The following TDRP variants were observed in gnomAD, a reference collection of about 807,000 sequenced individuals.
TDRP encodes the protein testis development related protein.
TDRP carries 12 observed loss-of-function variants against 10.5 expected under a neutral mutation model. That is an observed-to-expected ratio of 1.15 (90% CI 0.73 to 1.86). The LOEUF (loss-of-function observed/expected upper bound fraction) is 1.86. Among genes scored for constraint, TDRP ranks in the 40% most tolerant of loss-of-function variants. TDRP has a pLI of 0.00. For synonymous variants in TDRP, 139 were observed against 95.4 expected (o/e 1.46, Z -2.67); for missense variants, 353 against 229.2 (o/e 1.54, Z -3.49).
chr8:490,482 A>G lies in TDRP; in HGVS notation c.*1917T>C, dbSNP rs1388427456. The stretch of plus-strand genomic sequence containing the variant: ...TCACAGCCACAGAGCTCCCCACAAC[A>G]TGGGAAGCGTCCCCATCTCCCCACA... On this transcript the variant is annotated 3_prime_UTR_variant, in exon 3 of 3. Transcript: ENST00000324079. 6.6e-6 allele frequency: 1 copy of G among 152,210 alleles called. No homozygotes were observed. Among genetic ancestry groups the G allele is most frequent in the Non-Finnish European group, 1.5e-5 (1 of 68,036 alleles). 9.4% of individuals were successfully genotyped at this position (152,210 alleles called of 1,614,324 possible).
chr8:541,642 T>C (rs935239559), intron 1 of TDRP, among the ~76,000 whole-genome samples: 1 of 152,164 alleles, frequency 6.6e-6, no homozygotes, highest in African/African-American at 2.4e-5. Flanking sequence ...AGATGACAAG[T>C]ATGCGTCTGA....
intron 1 of TDRP, among the ~76,000 whole-genome samples, chr8:542,993 G>T (rs527260780): frequency 6.6e-6 from 1 of 151,668 alleles, no homozygotes; most frequent in Non-Finnish European, 1.5e-5. Context: ...CTACTTTTCC[G>T]CATGTTAGAA....
chr8:531,930 C>A (rs114218247), intron 1 of TDRP, among the ~76,000 whole-genome samples: 1 of 152,170 alleles, frequency 6.6e-6, no homozygotes, highest in Non-Finnish European at 1.5e-5. Flanking sequence ...AAGCAGTACT[C>A]TGACAGTGGG....
chr8:490,799 A>T lies in TDRP; in HGVS notation c.*1600T>A, dbSNP rs892483436. ...ACAACTTCACCATTTCAAGGTTCTA[A>T]TACAAGCTGGAATTTTTGTTTGAAC... is the stretch of plus-strand genomic sequence containing the variant. On this transcript the variant is annotated 3_prime_UTR_variant, in exon 3 of 3. Coordinates refer to ENST00000324079, the MANE Select transcript of TDRP (RefSeq NM_001384899.1). 2.6e-5 allele frequency: 4 copies of T among 152,310 alleles called. No individual in the cohort carries two copies. The highest frequency in any genetic ancestry group is 2.6e-4 in the Admixed American group (4 of 15,298). The allele number at this position is 152,310 out of a possible 1,614,324, so 9.4% of individuals were successfully genotyped here. A position where few individuals can be genotyped will look rare whatever the true frequency, so the allele number is the denominator to read the frequency against.
Position 490,808 on chromosome 8 carries a change from G to A in TDRP, c.*1591C>T, listed in dbSNP as rs1198935509. 1 of 152,032 alleles carries A rather than the reference G, an allele frequency of 6.6e-6. No individual in the cohort carries two copies. Among genetic ancestry groups the A allele is most frequent in the African/African-American group, 2.4e-5 (1 of 41,386 alleles). 9.4% of individuals were successfully genotyped at this position (152,032 alleles called of 1,614,324 possible). A position where few individuals can be genotyped will look rare whatever the true frequency, so the allele number is the denominator to read the frequency against. On this transcript the variant is annotated 3_prime_UTR_variant, in exon 3 of 3. Coordinates refer to ENST00000324079, the MANE Select transcript of TDRP (RefSeq NM_001384899.1). ...CCATTTCAAGGTTCTAATACAAGCT[G>A]GAATTTTTGTTTGAACACCAATTGA...
At chr8:515,194 T>C (rs971875133) in intron 1 of TDRP, among the ~76,000 whole-genome samples, 21 of 152,202 alleles carry the variant, frequency 1.4e-4, no homozygotes, top group African/African-American at 3.6e-4. Context: ...AGCACACTGA[T>C]AGGTTCTCTT....
At chr8:542,899 G>A (rs2034355) in intron 1 of TDRP, among the ~76,000 whole-genome samples, 105,725 of 150,224 alleles carry the variant, frequency 0.7, 37,470 homozygotes, top group Admixed American at 0.77. Flanking sequence ...TTGTGTAAAG[G>A]GAAAATCAGA....
chr8:538,866 C>T (rs546974296), intron 1 of TDRP, among the ~76,000 whole-genome samples: 1 of 152,342 alleles, frequency 6.6e-6, no homozygotes, highest in Non-Finnish European at 1.5e-5. Context: ...CATCTCACCA[C>T]ACTGGTGAGA....
chr8:494,160 A>C, intron 2 of TDRP, among the ~76,000 whole-genome samples: 1 of 150,714 alleles, frequency 6.6e-6, no homozygotes, highest in Admixed American at 6.6e-5. Context: ...ACGGGGTTTC[A>C]CCATGTTGGC....
In TDRP at chr8:492,112, T is replaced by G. The variant is rs1800993947; in HGVS notation, c.*287A>C. On this transcript the variant is annotated 3_prime_UTR_variant, in exon 3 of 3. Coordinates refer to ENST00000324079, the MANE Select transcript of TDRP (RefSeq NM_001384899.1). ...GTGAGAAACTGCAAATCATTACTGCTGTATTATGGGAGAGCATCATAAATT... is the reference window on the plus strand; with the variant it reads ...GTGAGAAACTGCAAATCATTACTGCGGTATTATGGGAGAGCATCATAAATT... 1 of 1,217,646 alleles carries G rather than the reference T, an allele frequency of 8.2e-7. No homozygotes were observed. Among genetic ancestry groups the G allele is most frequent in the Non-Finnish European group, 1.0e-6 (1 of 978,938 alleles). 75.4% of individuals were successfully genotyped at this position (1,217,646 alleles called of 1,614,324 possible). A position where few individuals can be genotyped will look rare whatever the true frequency, so the allele number is the denominator to read the frequency against.
chr8:543,946 G>A (rs1470218767), intron 1 of TDRP, among the ~76,000 whole-genome samples: 2 of 127,358 alleles, frequency 1.6e-5, no homozygotes, highest in African/African-American at 5.8e-5. Context: ...GAGGGGGTGG[G>A]GGAGGGCACG....
At chr8:512,466 A>C (rs139622696) in intron 1 of TDRP, among the ~76,000 whole-genome samples, 2 of 152,138 alleles carry the variant, frequency 1.3e-5, no homozygotes, top group African/African-American at 2.4e-5. Context: ...AAATTGATAA[A>C]TCTTGAAACT....
intron 1 of TDRP, among the ~76,000 whole-genome samples, chr8:511,029 A>G (rs1327713964): frequency 6.6e-6 from 1 of 152,242 alleles, no homozygotes; most frequent in African/African-American, 2.4e-5. Context: ...AAAATGTTGA[A>G]TTTAAAAATA....
chr8:515,810 C>T (rs979771958), intron 1 of TDRP, among the ~76,000 whole-genome samples: 17 of 151,970 alleles, frequency 1.1e-4, no homozygotes. Context: ...AATATATAAA[C>T]TGAATTATAG....
intron 2 of TDRP, among the ~76,000 whole-genome samples, chr8:493,292 C>T (rs889898756): frequency 6.6e-6 from 1 of 152,232 alleles, no homozygotes; most frequent in Non-Finnish European, 1.5e-5. Context: ...TGACTGTCCG[C>T]GAGCATCACC....
chr8:521,302 A>G (rs1278655276), intron 1 of TDRP, among the ~76,000 whole-genome samples: 2 of 150,794 alleles, frequency 1.3e-5, no homozygotes, highest in Admixed American at 6.6e-5. Context: ...CTGTAGTCCC[A>G]GCTACTTGGG....
In TDRP at chr8:510,351, T is replaced by G. The variant is rs1407509762; in HGVS notation, c.109-15754A>C. 2.0e-5 allele frequency among the ~76,000 whole-genome samples: 3 copies of G among 152,198 alleles called. No homozygotes were observed. In the East Asian group the frequency reaches 5.8e-4, roughly 29 times the overall value. On this transcript the variant is annotated intron_variant, in intron 1 of 2. Transcript: ENST00000324079. ...CCCACTTCAAGTCACTTCATTAGCA[T>G]AAGAGGACACTCTTCTCACTCAGGA...
At chr8:523,587 C>G (rs957684421) in intron 1 of TDRP, among the ~76,000 whole-genome samples, 1 of 152,172 alleles carries the variant, frequency 6.6e-6, no homozygotes, top group Admixed American at 6.5e-5. Context: ...AGGATATGTC[C>G]TAGGCCTTGC....
At chr8:533,829 G>A (rs749094236) in intron 1 of TDRP, among the ~76,000 whole-genome samples, 15 of 152,026 alleles carry the variant, frequency 9.9e-5, no homozygotes, top group Non-Finnish European at 1.8e-4. Flanking sequence ...CTCTTTCCTC[G>A]CAATGTTCTA....
Sources: gnomAD v4.1 joint callset for allele counts (sites outside exome capture counted in the v4.1 genomes callset) on GRCh38, gnomAD v4.1.1 for gene constraint, MANE v1.5 for transcripts, NCBI Gene and HGNC (gene_info 2026-07-23, HGNC 2026-07-21) for gene names.